Variants in OPTN observed in about 807,000 individuals in gnomAD.
OPTN encodes E3-14.7K-interacting protein.
Under a neutral mutation model 70.4 loss-of-function variants are expected in OPTN, and 54 were observed. The ratio of observed to expected loss-of-function variants is 0.77; its 90% confidence interval spans 0.62 to 0.96. The LOEUF is 0.96. OPTN is among the 40% of genes least tolerant of loss of function. The pLI is 0.00. For missense variants in OPTN, 624 were observed against 673.2 expected, an observed-to-expected ratio of 0.93 and a Z score of 0.81; for synonymous variants, 256 against 248.5, an observed-to-expected ratio of 1.03 and a Z score of -0.28.
chr10:13,101,996 A>G (rs147190988), intron 1 of OPTN, among the ~76,000 whole-genome samples: 31 of 152,348 alleles, frequency 2.0e-4, no homozygotes, highest in African/African-American at 6.5e-4. Flanking sequence ...TGGAGAGAAA[A>G]TAGACGGGCA....
chr10:13,108,736 C>T (rs2131479690), intron 2 of OPTN, among the ~76,000 whole-genome samples: 1 of 151,986 alleles, frequency 6.6e-6, no homozygotes. Context: ...TTAGTAGAGA[C>T]GGGGTTTCAC....
In OPTN at chr10:13,125,519, G is replaced by T. The variant is rs1483605655; in HGVS notation, c.1100G>T (p.Ser367Ile). Residue 367 changes from serine (S) to isoleucine (I), a missense_variant, in exon 10 of 15, where the codon AGC becomes ATC. Transcript: ENST00000378747. ...AAAAAGTTAGAGCTACAAGTGGAAAGCATGCTATCAGAAATCAAAATGGAA... is the reference window on the plus strand; with the variant it reads ...AAAAAGTTAGAGCTACAAGTGGAAATCATGCTATCAGAAATCAAAATGGAA... Reference protein sequence around the residue: ...TNKKLELQVESMLSEIKMEQA... With the variant: ...TNKKLELQVEIMLSEIKMEQA... 4 of 1,614,132 alleles carry T rather than the reference G, an allele frequency of 2.5e-6. No individual in the cohort carries two copies. The South Asian group carries it at 4.4e-5, about 18-fold the overall frequency.
At chr10:13,128,173 G>A (rs1007710615) in intron 12 of OPTN, among the ~76,000 whole-genome samples, 16 of 152,294 alleles carry the variant, frequency 1.1e-4, no homozygotes, top group African/African-American at 3.8e-4. Context: ...CTGTTCACAT[G>A]TGGATATTTT....
Position 13,109,159 on chromosome 10 carries a change from G to T in OPTN, c.37G>T (p.Glu13Ter). 6.2e-7 allele frequency: 1 copy of T among 1,614,014 alleles called. No homozygotes were observed. Among genetic ancestry groups the T allele is most frequent in the Non-Finnish European group, 8.5e-7 (1 of 1,180,008 alleles). Residue 13 changes from glutamate to a stop codon, truncating the protein, a stop_gained, in exon 3 of 15, where the codon GAG becomes TAG. Coordinates refer to ENST00000378747, the MANE Select transcript of OPTN (RefSeq NM_001008212.2). LOFTEE classifies it high-confidence loss of function. ...HQPLSCLTEK[E>*]DSPSESTGNG... ...ACCTCTCAGCTGCCTCACTGAAAAG[G>T]AGGACAGCCCCAGTGAAAGCACAGG...
rs144732797 is a variant in OPTN at position 13,118,062 on chromosome 10, T to G, written c.627-826T>G. Among the ~76,000 whole-genome samples the G allele has an allele frequency of 2.1e-3, 325 of 152,348 alleles. 1 individual carries two copies. The highest frequency in any genetic ancestry group is 7.4e-3 in the African/African-American group (308 of 41,584). ...CACTTCCTCATCATTCATATCCAGATGCAAAGACCGCTTCCTCTTTTAAGC... is the reference window on the plus strand; with the variant it reads ...CACTTCCTCATCATTCATATCCAGAGGCAAAGACCGCTTCCTCTTTTAAGC... On this transcript the variant is annotated intron_variant, in intron 6 of 14. Transcript: ENST00000378747.
intron 8 of OPTN, among the ~76,000 whole-genome samples, chr10:13,123,730 C>T (rs1345522264): frequency 1.3e-5 from 2 of 152,132 alleles, no homozygotes; most frequent in Non-Finnish European, 2.9e-5. Flanking sequence ...ATTTTAATAG[C>T]GATAAAGTCA....
intron 14 of OPTN, among the ~76,000 whole-genome samples, chr10:13,134,291 C>T (rs145172964): frequency 1.3e-5 from 2 of 152,288 alleles, no homozygotes; most frequent in Non-Finnish European, 2.9e-5. Context: ...CTTACCCCAT[C>T]TTTAAAATCT....
At position 13,132,913 on chromosome 10, in the gene OPTN, A is replaced by AT. The variant is rs201453893; in HGVS notation, c.1533-579dup. 6.1e-4 allele frequency among the ~76,000 whole-genome samples: 91 copies of AT among 149,810 alleles called. 1 individual carries two copies. In the East Asian group the frequency reaches 0.012, roughly 20 times the overall value. ...ACAACTGCTTTTATTTGCTTCAAGT[A>AT]TTTTTTTTTTATTAAAGGAAAAAGG... On this transcript the variant is annotated intron_variant, in intron 13 of 14. Coordinates refer to ENST00000378747, the MANE Select transcript of OPTN (RefSeq NM_001008212.2).
In OPTN at chr10:13,127,783, T is replaced by A; in HGVS notation, c.1281T>A (p.Ser427Arg). ...ACAGGGCAGTGCTGAAGGAACTGAG[T>A]GAAAAACTGGAACTGGCAGAGAAGG... is the stretch of plus-strand genomic sequence containing the variant. ...KVDRAVLKEL[S>R]EKLELAEKAL... Residue 427 changes from serine to arginine, a missense_variant, in exon 12 of 15, where the codon AGT becomes AGA. Coordinates refer to ENST00000378747, the MANE Select transcript of OPTN (RefSeq NM_001008212.2). The A allele has an allele frequency of 6.2e-7, 1 of 1,614,080 alleles. No individual in the cohort carries two copies. Among genetic ancestry groups the A allele is most frequent in the African/African-American group, 1.3e-5 (1 of 75,006 alleles).
At chr10:13,110,026 G>C (rs892955211) in intron 3 of OPTN, among the ~76,000 whole-genome samples, 1 of 152,138 alleles carries the variant, frequency 6.6e-6, no homozygotes, top group Admixed American at 6.5e-5. Context: ...TATTTGTGCT[G>C]TAGTGGCGGT....
At chr10:13,129,783 A>G (rs181693417) in intron 12 of OPTN, among the ~76,000 whole-genome samples, 102 of 152,336 alleles carry the variant, frequency 6.7e-4, no homozygotes, top group African/African-American at 2.4e-3. Flanking sequence ...CATTATTTTA[A>G]AAACCTTGGC....
At position 13,122,314 on chromosome 10, in the gene OPTN, C is replaced by T. The variant is rs1833367503; in HGVS notation, c.780-71C>T. 2.9e-6 allele frequency: 3 copies of T among 1,028,552 alleles called. No individual in the cohort carries two copies. In the South Asian group the frequency reaches 4.0e-5, roughly 14 times the overall value. The allele number at this position is 1,028,552 out of a possible 1,614,324, so 63.7% of individuals were successfully genotyped here. On this transcript the variant is annotated intron_variant, in intron 7 of 14. Coordinates refer to ENST00000378747, the MANE Select transcript of OPTN (RefSeq NM_001008212.2). ...ATTGTAAACAATGTTCTTTTTAGTA[C>T]TTCTGTAATAATTGCTATTTCTCTT...
intron 5 of OPTN, 83 bp downstream of exon 5, chr10:13,112,718 C>A: frequency 1.5e-6 from 2 of 1,338,350 alleles, no homozygotes; most frequent in Non-Finnish European, 2.1e-6. Context: ...TTTTTCTTGT[C>A]AACACAAGCC....
chr10:13,134,214 G>A (rs1451493548), intron 14 of OPTN, among the ~76,000 whole-genome samples: 2 of 152,090 alleles, frequency 1.3e-5, no homozygotes, highest in Non-Finnish European at 2.9e-5. Flanking sequence ...CTTGTATTAT[G>A]CCCTTCACAG....
At chr10:13,121,027 G>C (rs774642401) in intron 7 of OPTN, among the ~76,000 whole-genome samples, 1 of 152,136 alleles carries the variant, frequency 6.6e-6, no homozygotes, top group Non-Finnish European at 1.5e-5. Flanking sequence ...TCACTATCAC[G>C]AGAACAGCAT....
intron 12 of OPTN, among the ~76,000 whole-genome samples, chr10:13,129,834 C>CA (rs1461597966): frequency 6.6e-6 from 1 of 152,166 alleles, no homozygotes; most frequent in Non-Finnish European, 1.5e-5. Context: ...ATAATGTCAG[C>CA]AGTTTGTTAT....
At position 13,110,004 on chromosome 10, in the gene OPTN, T is replaced by C. The variant is rs1228032111; in HGVS notation, c.167-270T>C. The stretch of plus-strand genomic sequence containing the variant: ...GAACTTCCTTAGCTCCTAGTAACCA[T>C]AGATATTTAGATATTTGTGCTGTAG... On this transcript the variant is annotated intron_variant, in intron 3 of 14. Coordinates refer to ENST00000378747, the MANE Select transcript of OPTN (RefSeq NM_001008212.2). Among the ~76,000 whole-genome samples the C allele has an allele frequency of 2.6e-5, 4 of 152,094 alleles. No individual in the cohort carries two copies. The East Asian group carries it at 5.8e-4, about 22-fold the overall frequency.
chr10:13,120,508 G>C (rs1395010614), intron 7 of OPTN, among the ~76,000 whole-genome samples: 2 of 150,742 alleles, frequency 1.3e-5, no homozygotes, highest in Admixed American at 1.3e-4. Context: ...GGCCTGGCGC[G>C]GTGGCCAAAA....
At chr10:13,133,472 C>A (rs371298749) in intron 13 of OPTN, 30 bp from the exon 14 acceptor site, 166 of 1,601,582 alleles carry the variant, frequency 1.0e-4, no homozygotes, top group South Asian at 2.1e-4. Flanking sequence ...TGTAGAACAT[C>A]ACACAGCGTG....
Sources: allele counts gnomAD v4.1 joint callset (sites outside exome capture counted in the v4.1 genomes callset), GRCh38; gene constraint gnomAD v4.1.1; transcripts MANE v1.5; gene names NCBI Gene and HGNC (gene_info 2026-07-23, HGNC 2026-07-21).